The following CSGALNACT1 variants were observed in gnomAD, a reference collection of about 807,000 sequenced individuals.
CSGALNACT1 encodes the protein beta4GalNAcT-1.
CSGALNACT1 carries 52 observed loss-of-function variants against 51.0 expected under a neutral mutation model. The ratio of observed to expected loss-of-function variants is 1.02; its 90% CI spans 0.82 to 1.29. CSGALNACT1 has a LOEUF of 1.29. Among genes scored for constraint, CSGALNACT1 ranks in the 50% most tolerant of loss-of-function variants. The probability of loss-of-function intolerance (pLI) is 0.00; values close to 1 mark genes in which losing one functional copy is unlikely to be tolerated. For synonymous variants in CSGALNACT1, 341 were observed against 254.4 expected (o/e 1.34, Z -3.24); for missense variants, 935 against 679.2 (o/e 1.38, Z -4.19).
chr8:19,608,372 C>T (rs1214706658), intron 1 of CSGALNACT1, among the ~76,000 whole-genome samples: 1 of 152,190 alleles, frequency 6.6e-6, no homozygotes, highest in Non-Finnish European at 1.5e-5. Context: ...TCAGAAATAC[C>T]AAGTTCAGTC....
At chr8:19,751,289 T>TA (rs1250639273) in intron 1 of CSGALNACT1, among the ~76,000 whole-genome samples, 2 of 152,120 alleles carry the variant, frequency 1.3e-5, no homozygotes, top group African/African-American at 4.8e-5. Context: ...ACGCAGATGA[T>TA]AAGAGTGCAC....
chr8:19,454,563 C>T (rs57348400), intron 5 of CSGALNACT1, among the ~76,000 whole-genome samples: 2,790 of 152,096 alleles, frequency 0.018, 79 homozygotes, highest in African/African-American at 0.064. Flanking sequence ...CCCAGCTACT[C>T]GGGAGGCTGA....
In CSGALNACT1 at chr8:19,666,831, G is replaced by GAGAAAGAA. The variant is rs34197786; in HGVS notation, c.-544+15634_-544+15641dup. On this transcript the variant is annotated intron_variant, in intron 1 of 9. Transcript: ENST00000332246. Reference sequence around the variant, plus strand: ...AGAAAGAGAGAGAGAGAGAGAGAGAGAGAAAGAAAGAAAGAAAGAAAGAAA... The same window carrying GAGAAAGAA: ...AGAAAGAGAGAGAGAGAGAGAGAGAGAGAAAGAAAGAAAGAAAGAAAGAAAGAAAGAAA... Among the ~76,000 whole-genome samples, 202 of 24,816 alleles carry GAGAAAGAA rather than the reference G, an allele frequency of 8.1e-3. 3 individuals carry two copies. The highest frequency in any genetic ancestry group is 0.018 in the East Asian group (23 of 1,304). The allele number at this position is 24,816 out of a possible 152,430, so 16.3% of individuals were successfully genotyped here. A position where few individuals can be genotyped will look rare whatever the true frequency, so the allele number is the denominator to read the frequency against.
intron 3 of CSGALNACT1, among the ~76,000 whole-genome samples, chr8:19,511,336 T>A (rs141056455): frequency 9.2e-4 from 140 of 152,334 alleles, no homozygotes; most frequent in Middle Eastern, 6.8e-3. Flanking sequence ...GCGAGTCTAT[T>A]CCACTTGGGC....
intron 3 of CSGALNACT1, among the ~76,000 whole-genome samples, chr8:19,510,854 T>A (rs1040770759): frequency 1.3e-5 from 2 of 152,188 alleles, no homozygotes; most frequent in Non-Finnish European, 2.9e-5. Context: ...CAAAGGCAGG[T>A]CAGGTTTGTT....
Position 19,658,189 on chromosome 8 carries a change from A to G in CSGALNACT1, c.-544+24284T>C, listed in dbSNP as rs929554432. 5.3e-5 allele frequency among the ~76,000 whole-genome samples: 8 copies of G among 152,114 alleles called. No individual in the cohort carries two copies. The South Asian group carries it at 1.7e-3, about 32-fold the overall frequency. ...CATGAGGGTGTGCCCTTATAACAGA[A>G]TTAGTGCCCTTATAAAGCAAAGGCC... On this transcript the variant is annotated intron_variant, in intron 1 of 9. Coordinates refer to the CSGALNACT1 transcript ENST00000332246.
intron 2 of CSGALNACT1, among the ~76,000 whole-genome samples, chr8:19,601,224 G>C (rs776195088): frequency 1.3e-5 from 2 of 152,130 alleles, no homozygotes; most frequent in African/African-American, 2.4e-5. Flanking sequence ...CTTCCAATCC[G>C]TAAGGGCACT....
intron 4 of CSGALNACT1, among the ~76,000 whole-genome samples, chr8:19,468,353 G>C (rs553547867): frequency 1.6e-4 from 24 of 152,334 alleles, no homozygotes; most frequent in Admixed American, 2.6e-4. Context: ...CGAATGGGGG[G>C]ATGGGAGAAT....
chr8:19,456,250 G>A (rs1386363197), intron 5 of CSGALNACT1, among the ~76,000 whole-genome samples: 2 of 152,122 alleles, frequency 1.3e-5, no homozygotes, highest in Admixed American at 1.3e-4. Flanking sequence ...TGCTATTTCA[G>A]GCCCAGGAGT....
At chr8:19,574,699 G>T (rs2043767607) in intron 3 of CSGALNACT1, among the ~76,000 whole-genome samples, 2 of 152,178 alleles carry the variant, frequency 1.3e-5, no homozygotes, top group Admixed American at 1.3e-4. Flanking sequence ...CATTCCACAA[G>T]GTTTGGGATA....
chr8:19,603,184 T>C (rs528688678), upstream of CSGALNACT1, among the ~76,000 whole-genome samples: 6 of 148,090 alleles, frequency 4.1e-5, no homozygotes, highest in East Asian at 4.0e-4. Flanking sequence ...CAAAGGAAAA[T>C]TGCTAAGTCT....
intron 4 of CSGALNACT1, among the ~76,000 whole-genome samples, chr8:19,470,560 G>T (rs1323158043): frequency 6.6e-6 from 1 of 152,196 alleles, no homozygotes; most frequent in Non-Finnish European, 1.5e-5. Context: ...GGCAAGGAAG[G>T]CAGGCACTGG....
chr8:19,420,624 G>A, intron 6 of CSGALNACT1, 106 bp from the exon 6 acceptor site: 1 of 1,197,986 alleles, frequency 8.3e-7, no homozygotes, highest in Non-Finnish European at 1.2e-6. Flanking sequence ...CATTTCTTTT[G>A]TAACCTGAGG....
chr8:19,406,092 T>G (rs775906648), intron 9 of CSGALNACT1, 23 bp from the exon 9 acceptor site: 1 of 1,613,768 alleles, frequency 6.2e-7, no homozygotes, highest in Non-Finnish European at 8.5e-7. Flanking sequence ...AACACACTGT[T>G]GAATCACACT....
At chr8:19,473,666 G>T (rs1453096822) in intron 4 of CSGALNACT1, among the ~76,000 whole-genome samples, 1 of 152,198 alleles carries the variant, frequency 6.6e-6, no homozygotes, top group Non-Finnish European at 1.5e-5. Context: ...TGTACTTCAA[G>T]AAAAGTCAAA....
At chr8:19,665,688 CT>C (rs1426024488) in intron 1 of CSGALNACT1, among the ~76,000 whole-genome samples, 1 of 152,178 alleles carries the variant, frequency 6.6e-6, no homozygotes, top group Non-Finnish European at 1.5e-5. Context: ...CAAAGATGAA[CT>C]TGTACCCTAG....
intron 1 of CSGALNACT1, among the ~76,000 whole-genome samples, chr8:19,639,971 TC>T (rs1213396722): frequency 1.3e-5 from 2 of 151,052 alleles, no homozygotes; most frequent in Non-Finnish European, 2.9e-5. Context: ...AGCCCAGACC[TC>T]CCTGGGCTCA....
At chr8:19,414,885 G>C (rs1000575720) in intron 8 of CSGALNACT1, among the ~76,000 whole-genome samples, 2 of 152,180 alleles carry the variant, frequency 1.3e-5, no homozygotes, top group African/African-American at 4.8e-5. Flanking sequence ...TTTCAAGACT[G>C]AGTCAGAACG....
intron 1 of CSGALNACT1, among the ~76,000 whole-genome samples, chr8:19,701,160 T>G (rs1266054986): frequency 7.1e-6 from 1 of 140,644 alleles, no homozygotes; most frequent in Non-Finnish European, 1.5e-5. Flanking sequence ...TCCGTTTTTT[T>G]TTTTTTTTTT....
Sources: gnomAD v4.1 joint callset for allele counts (sites outside exome capture counted in the v4.1 genomes callset) on GRCh38, gnomAD v4.1.1 for gene constraint, MANE v1.5 for transcripts, NCBI Gene and HGNC (gene_info 2026-07-23, HGNC 2026-07-21) for gene names.